PRKG2: variants seen among roughly 807,000 people sequenced by gnomAD.
PRKG2 encodes the protein protein kinase cGMP-dependent 2, also known as cGMP-dependent protein kinase 2.
A neutral mutation model predicts 97.2 loss-of-function variants in PRKG2; 33 were observed. The observed-to-expected ratio is 0.34, with a 90% CI of 0.26 to 0.45. PRKG2 has a LOEUF of 0.45. PRKG2 is among the 20% of genes least tolerant of loss of function. The probability of loss-of-function intolerance (pLI) is 1.00; values close to 1 mark genes in which losing one functional copy is unlikely to be tolerated. For missense variants in PRKG2, 638 were observed against 900.0 expected, an observed-to-expected ratio of 0.71 and a Z score of 3.73; for synonymous variants, 330 against 321.8, an observed-to-expected ratio of 1.03 and a Z score of -0.27.
intron 5 of PRKG2, 45 bp from the exon 6 acceptor site, chr4:81,167,269 C>T (rs576165417): frequency 7.9e-7 from 1 of 1,267,692 alleles, no homozygotes; most frequent in South Asian, 1.4e-5. Context: ...CTGAATTAAA[C>T]TATAAATATA....
upstream of PRKG2, among the ~76,000 whole-genome samples, chr4:81,216,102 C>G (rs1754263699): frequency 6.6e-6 from 1 of 152,048 alleles, no homozygotes; most frequent in South Asian, 2.1e-4. Flanking sequence ...CACTGTGCAT[C>G]TAGAGAATGT....
rs574399576 is a variant in PRKG2, at chr4:81,167,899, C to T, written c.849-675G>A. ...AGGCTGGAAAGAACATGGGGAAATA[C>T]ATAAGAACTTCAACAACTGCTTTCT... On this transcript the variant is annotated intron_variant, in intron 5 of 18. Coordinates refer to ENST00000264399, the MANE Select transcript of PRKG2 (RefSeq NM_006259.3). Among the ~76,000 whole-genome samples the T allele has an allele frequency of 7.6e-4, 116 of 152,058 alleles. 1 individual carries two copies. The Middle Eastern group carries it at 0.01, about 13-fold the overall frequency.
At chr4:81,156,183 C>T (rs900371389) in intron 6 of PRKG2, among the ~76,000 whole-genome samples, 1 of 152,002 alleles carries the variant, frequency 6.6e-6, no homozygotes, top group African/African-American at 2.4e-5. Context: ...TTCAGGAAAC[C>T]CATCTCACAG....
At chr4:81,093,394 CACACACACACAA>C (rs1279188307) in intron 17 of PRKG2, among the ~76,000 whole-genome samples, 23 of 148,218 alleles carry the variant, frequency 1.6e-4, no homozygotes, top group African/African-American at 5.8e-4. Flanking sequence ...CACACACACA[CACACACACACAA>C]GCTTCTTATC....
At chr4:81,146,090 A>G (rs898120548) in intron 9 of PRKG2, among the ~76,000 whole-genome samples, 4 of 152,186 alleles carry the variant, frequency 2.6e-5, no homozygotes, top group African/African-American at 9.7e-5. Context: ...GAATTTTCTA[A>G]TCTCCAATAG....
At chr4:81,116,029 CT>C (rs1286296648) in intron 14 of PRKG2, among the ~76,000 whole-genome samples, 9 of 151,890 alleles carry the variant, frequency 5.9e-5, no homozygotes, top group African/African-American at 1.2e-4. Flanking sequence ...CTATTTGAAT[CT>C]TTTTTTTAAC....
chr4:81,207,499 C>A (rs1047651483), intron 1 of PRKG2, among the ~76,000 whole-genome samples: 1 of 152,156 alleles, frequency 6.6e-6, no homozygotes, highest in Non-Finnish European at 1.5e-5. Flanking sequence ...CATGGATTTG[C>A]AGTCAAATTT....
At chr4:81,153,246 G>A (rs527305432) in intron 7 of PRKG2, among the ~76,000 whole-genome samples, 1 of 152,224 alleles carries the variant, frequency 6.6e-6, no homozygotes, top group South Asian at 2.1e-4. Context: ...GTCTTCAATT[G>A]CTGAATTCAT....
chr4:81,200,835 A>C (rs1005951010), intron 2 of PRKG2, among the ~76,000 whole-genome samples: 1 of 152,226 alleles, frequency 6.6e-6, no homozygotes, highest in Admixed American at 6.5e-5. Flanking sequence ...GAAATTTATA[A>C]TACTTCAATA....
In PRKG2 at chr4:81,111,632, C is replaced by T. The variant is rs190306372; in HGVS notation, c.1777-1021G>A. Among the ~76,000 whole-genome samples, 833 of 152,132 alleles carry T rather than the reference C, an allele frequency of 5.5e-3. 1 individual carries two copies. The highest frequency in any genetic ancestry group is 9.2e-3 in the Non-Finnish European group (623 of 67,996). On this transcript the variant is annotated intron_variant, in intron 14 of 18. Transcript: ENST00000264399. ...TCCCAGGGTAATGAATCAGTGCTAC[C>T]GTCCTCCGTTTTCGCAAAATAGACC...
chr4:81,170,090 T>C (rs1218510438), intron 4 of PRKG2, among the ~76,000 whole-genome samples: 1 of 152,132 alleles, frequency 6.6e-6, no homozygotes, highest in African/African-American at 2.4e-5. Flanking sequence ...AGATTTCTGC[T>C]GTAATACAAG....
intron 4 of PRKG2, 47 bp from the exon 5 acceptor site, chr4:81,169,815 G>T: frequency 8.3e-7 from 1 of 1,200,172 alleles, no homozygotes; most frequent in South Asian, 1.4e-5. Flanking sequence ...ACAACATTGT[G>T]AAAACATTCC....
At chr4:81,110,750 AAG>A in intron 14 of PRKG2, 139 bp from the exon 15 acceptor site, 361 of 355,388 alleles carry the variant, frequency 1.0e-3, no homozygotes, top group East Asian at 9.1e-3. Context: ...CACACACACA[AAG>A]AGAGAGAGAG....
chr4:81,111,897 C>A (rs546367300), intron 14 of PRKG2, among the ~76,000 whole-genome samples: 2 of 152,276 alleles, frequency 1.3e-5, no homozygotes, highest in East Asian at 1.9e-4. Context: ...CAAACAGTCA[C>A]AAATTGTTTC....
At chr4:81,147,215 T>C (rs1375932752) in intron 9 of PRKG2, among the ~76,000 whole-genome samples, 2 of 152,164 alleles carry the variant, frequency 1.3e-5, no homozygotes, top group Non-Finnish European at 1.5e-5. Flanking sequence ...ATGTGGTGTA[T>C]GTGATTACAA....
intron 6 of PRKG2, among the ~76,000 whole-genome samples, chr4:81,159,707 C>T (rs941990967): frequency 6.6e-6 from 1 of 151,850 alleles, no homozygotes; most frequent in African/African-American, 2.4e-5. Flanking sequence ...TTAGAACCAA[C>T]CCAAATGTCC....
intron 2 of PRKG2, among the ~76,000 whole-genome samples, chr4:81,194,470 T>C (rs1263322878): frequency 2.6e-5 from 4 of 151,932 alleles, no homozygotes; most frequent in African/African-American, 9.7e-5. Context: ...AAAAATGAGG[T>C]CATCCCATGG....
intron 6 of PRKG2, among the ~76,000 whole-genome samples, chr4:81,160,367 C>A (rs1026220954): frequency 1.3e-5 from 2 of 151,996 alleles, no homozygotes; most frequent in African/African-American, 2.4e-5. Flanking sequence ...AGAGTAAATT[C>A]ACCTGGAATA....
chr4:81,096,618 A>G (rs1742144786), intron 17 of PRKG2, among the ~76,000 whole-genome samples: 1 of 152,194 alleles, frequency 6.6e-6, no homozygotes, highest in African/African-American at 2.4e-5. Flanking sequence ...AGTTTATGTA[A>G]TATTTAAATC....
Sources: gnomAD v4.1 joint callset for allele counts (sites outside exome capture counted in the v4.1 genomes callset) on GRCh38, gnomAD v4.1.1 for gene constraint, MANE v1.5 for transcripts, NCBI Gene and HGNC (gene_info 2026-07-23, HGNC 2026-07-21) for gene names.